AACS: variants seen among roughly 807,000 people sequenced by gnomAD.
AACS encodes the protein acetoacetyl-CoA synthetase, also known as acetoacetate-CoA ligase.
A neutral mutation model predicts 83.1 loss-of-function variants in AACS; 69 were observed. That is an observed-to-expected ratio of 0.83 (90% confidence interval 0.68 to 1.01). The LOEUF is 1.01. Among genes scored for constraint, AACS ranks in the 50% least tolerant of loss-of-function variants. The probability of loss-of-function intolerance (pLI) is 0.00; values close to 1 mark genes in which losing one functional copy is unlikely to be tolerated. For synonymous variants in AACS, 333 were observed against 343.4 expected (o/e 0.97, Z 0.33); for missense variants, 866 against 882.2 (o/e 0.98, Z 0.23).
At chr12:125,085,469 G>A (rs1046138174) in intron 3 of AACS, among the ~76,000 whole-genome samples, 7 of 152,110 alleles carry the variant, frequency 4.6e-5, no homozygotes, top group Non-Finnish European at 2.9e-5. Context: ...ATCCACGTGT[G>A]TTTCGTGGAA....
chr12:125,089,248 C>T (rs1956407727), intron 4 of AACS, among the ~76,000 whole-genome samples: 1 of 152,210 alleles, frequency 6.6e-6, no homozygotes, highest in South Asian at 2.1e-4. Context: ...GGTGTGACCC[C>T]TGCCCCTTGG....
chr12:125,098,120 T>G (rs1162060116), intron 5 of AACS, among the ~76,000 whole-genome samples: 1 of 152,194 alleles, frequency 6.6e-6, no homozygotes, highest in Non-Finnish European at 1.5e-5. Flanking sequence ...TGTTTCTGTC[T>G]CTCTCCCAGA....
At position 125,065,771 on chromosome 12, in the gene AACS, G is replaced by A. The variant is rs41410945; in HGVS notation, c.133+54G>A. 4 of 1,451,184 alleles carry A rather than the reference G, an allele frequency of 2.8e-6. No individual in the cohort carries two copies. In the African/African-American group the frequency reaches 4.5e-5, roughly 16 times the overall value. 89.9% of individuals were successfully genotyped at this position (1,451,184 alleles called of 1,614,324 possible). On this transcript the variant is annotated intron_variant, in intron 1 of 17. Transcript: ENST00000316519. ...CGGGGGATGGGCGGGAGCCGTGCAGGGTGGTTGGGTGGTCTCCCCATGGCT... is the reference window on the plus strand; with the variant it reads ...CGGGGGATGGGCGGGAGCCGTGCAGAGTGGTTGGGTGGTCTCCCCATGGCT...
At chr12:125,141,962 T>TA in intron 17 of AACS, 130 bp from the exon 18 acceptor site, 1 of 1,161,762 alleles carries the variant, frequency 8.6e-7, no homozygotes, top group Non-Finnish European at 1.2e-6. Context: ...AGGGGCATCT[T>TA]AGAGCCGAGA....
At chr12:125,087,464 G>A (rs1956365065) in intron 4 of AACS, among the ~76,000 whole-genome samples, 1 of 152,252 alleles carries the variant, frequency 6.6e-6, no homozygotes, top group Admixed American at 6.5e-5. Context: ...GCAGGTAGGT[G>A]TGTACATGGG....
At chr12:125,084,052 G>A (rs989964861) in intron 3 of AACS, among the ~76,000 whole-genome samples, 2 of 152,128 alleles carry the variant, frequency 1.3e-5, no homozygotes, top group African/African-American at 4.8e-5. Flanking sequence ...TTCTGGCTGG[G>A]TGCGGTGGTT....
rs35819972 is a variant in AACS at position 125,080,840 on chromosome 12, C to T, written c.358+4229C>T. 3.5e-3 allele frequency among the ~76,000 whole-genome samples: 531 copies of T among 151,294 alleles called. 5 individuals carry two copies. Among genetic ancestry groups the T allele is most frequent in the African/African-American group, 0.012 (511 of 41,130 alleles). On this transcript the variant is annotated intron_variant, in intron 3 of 17. Transcript: ENST00000316519. Reference sequence around the variant, plus strand: ...CCGAGTAGCTGGGACTACAGGCGCCCGCCACCACGCCTGGCTAATTTTTTG... The same window carrying T: ...CCGAGTAGCTGGGACTACAGGCGCCTGCCACCACGCCTGGCTAATTTTTTG...
Position 125,065,552 on chromosome 12 carries a change from C to T in AACS, c.-33C>T, listed in dbSNP as rs1284881539. On this transcript the variant is annotated 5_prime_UTR_variant, in exon 1 of 18. Transcript: ENST00000316519. ...CTCAGCCCCGGCCCCTGGTCCCCAG[C>T]CCTCGTCGCAGCCCCGGCCGCCCGC... 2 of 1,490,730 alleles carry T rather than the reference C, an allele frequency of 1.3e-6. No individual in the cohort carries two copies. The highest frequency in any genetic ancestry group is 1.8e-6 in the Non-Finnish European group (2 of 1,120,386). 92.3% of individuals were successfully genotyped at this position (1,490,730 alleles called of 1,614,324 possible).
rs1956562016 is a variant in AACS at position 125,094,599 on chromosome 12, A to G, written c.570+3076A>G. Among the ~76,000 whole-genome samples, 1 of 152,034 alleles carries G rather than the reference A, an allele frequency of 6.6e-6. No individual in the cohort carries two copies. Among genetic ancestry groups the G allele is most frequent in the African/African-American group, 2.4e-5 (1 of 41,396 alleles). On this transcript the variant is annotated intron_variant, in intron 5 of 17. Transcript: ENST00000316519. The surrounding 1 kb of genome is among the most constrained non-coding windows in gnomAD (Gnocchi z 4.1). ...GTCTTTACTCGATGACACTGGGGGAACGCGTTTCTGGCCTCCGTCACTCCC... is the reference window on the plus strand; with the variant it reads ...GTCTTTACTCGATGACACTGGGGGAGCGCGTTTCTGGCCTCCGTCACTCCC...
chr12:125,099,729 G>A (rs1191018250), intron 5 of AACS, among the ~76,000 whole-genome samples: 4 of 152,160 alleles, frequency 2.6e-5, no homozygotes, highest in African/African-American at 2.4e-5. Flanking sequence ...CTCTATCACC[G>A]AGGCCGCATG....
chr12:125,114,904 GC>G (rs983158212), intron 9 of AACS, among the ~76,000 whole-genome samples: 7 of 151,580 alleles, frequency 4.6e-5, no homozygotes, highest in African/African-American at 1.7e-4. Flanking sequence ...GCTTCCCCGG[GC>G]GCTGGCCCGT....
chr12:125,093,070 G>T (rs1034986976), intron 5 of AACS, among the ~76,000 whole-genome samples: 12 of 152,270 alleles, frequency 7.9e-5, no homozygotes, highest in African/African-American at 2.9e-4. Context: ...AGCCACGTTT[G>T]TGTGGAGCCG....
intron 14 of AACS, among the ~76,000 whole-genome samples, chr12:125,133,055 GCAGGAGGC>G (rs1957349245): frequency 6.6e-6 from 1 of 152,222 alleles, no homozygotes; most frequent in South Asian, 2.1e-4. Context: ...GGGCGTTATT[GCAGGAGGC>G]CAGCCTGCTG....
rs1305504041 is a variant in AACS at position 125,065,618 on chromosome 12, A to G, written c.34A>G (p.Ile12Val). The G allele has an allele frequency of 1.3e-6, 2 of 1,539,172 alleles. No homozygotes were observed. The highest frequency in any genetic ancestry group is 1.4e-5 in the African/African-American group (1 of 71,398). Residue 12 changes from isoleucine to valine, a missense_variant, in exon 1 of 18, where the codon ATC becomes GTC. Transcript: ENST00000316519. ...SKEERPGREE[I>V]LECQVMWEPD... ...GGAGGAGCGCCCCGGTCGGGAGGAG[A>G]TCCTGGAGTGCCAGGTGATGTGGGA...
chr12:125,119,390 A>G (rs1191659313), intron 10 of AACS, among the ~76,000 whole-genome samples: 5 of 152,222 alleles, frequency 3.3e-5, no homozygotes, highest in Non-Finnish European at 7.3e-5. Context: ...CTGCAGATTC[A>G]GGAGTGAGAT....
intron 16 of AACS, 83 bp from the exon 17 acceptor site, chr12:125,136,578 TC>T: frequency 8.3e-7 from 1 of 1,198,758 alleles, no homozygotes; most frequent in Admixed American, 1.9e-5. Context: ...AGCCTGCCCC[TC>T]CTGCTCTGCC....
intron 7 of AACS, 109 bp from the exon 8 acceptor site, chr12:125,107,012 C>T: frequency 6.6e-7 from 1 of 1,518,002 alleles, no homozygotes; most frequent in Non-Finnish European, 8.9e-7. Context: ...CCCTGGAATC[C>T]TGGCTTTTCT....
Position 125,094,978 on chromosome 12 carries a change from CGTGTGTGTGTGTGTGTGTGT to C in AACS, c.570+3482_570+3501del, listed in dbSNP as rs57643228. On this transcript the variant is annotated intron_variant, in intron 5 of 17. Coordinates refer to ENST00000316519, the MANE Select transcript of AACS (RefSeq NM_023928.5). This position sits in a 1 kb window ranked among gnomAD's most constrained non-coding sequence, Gnocchi z 4.1. ...TCCTCCTGAAGTGCCATCAGGTGGC[CGTGTGTGTGTGTGTGTGTGT>C]GTGTGTGTGTGTGTGTGTGTGTGTG... 6.1e-4 allele frequency among the ~76,000 whole-genome samples: 88 copies of C among 145,324 alleles called. No homozygotes were observed. Among genetic ancestry groups the C allele is most frequent in the East Asian group, 2.2e-3 (11 of 4,932 alleles).
At position 125,132,684 on chromosome 12, in the gene AACS, C is replaced by T. The variant is rs368784101; in HGVS notation, c.1550-1319C>T. Reference sequence around the variant, plus strand: ...GAGGCGGGAGGAAAGACCTGAAGACCTGCAGTTCTCTTTTTTTGCATTGGA... The same window carrying T: ...GAGGCGGGAGGAAAGACCTGAAGACTTGCAGTTCTCTTTTTTTGCATTGGA... On this transcript the variant is annotated intron_variant, in intron 14 of 17. Coordinates refer to ENST00000316519, the MANE Select transcript of AACS (RefSeq NM_023928.5). Among the ~76,000 whole-genome samples the T allele has an allele frequency of 1.1e-3, 165 of 152,212 alleles. 2 individuals carry two copies. The South Asian group carries it at 0.032, about 30-fold the overall frequency.
Sources: allele counts gnomAD v4.1 joint callset (sites outside exome capture counted in the v4.1 genomes callset), GRCh38; gene constraint gnomAD v4.1.1; non-coding constraint Gnocchi (gnomAD v3.1); transcripts MANE v1.5; gene names NCBI Gene and HGNC (gene_info 2026-07-23, HGNC 2026-07-21).